The following DENND1B variants were observed in gnomAD, a reference collection of about 807,000 sequenced individuals.
DENND1B encodes the protein DENN domain containing 1B, also known as DENN domain-containing protein 1B.
Under a neutral mutation model 90.1 loss-of-function variants are expected in DENND1B, and 59 were observed. The ratio of observed to expected loss-of-function variants is 0.65; its 90% CI spans 0.53 to 0.81. DENND1B has a LOEUF of 0.81. DENND1B is among the 40% of genes least tolerant of loss of function. DENND1B has a pLI of 0.00. For synonymous variants in DENND1B, 337 were observed against 324.6 expected (o/e 1.04, Z -0.41); for missense variants, 862 against 912.6 (o/e 0.94, Z 0.71).
At chr1:197,676,904 G>A (rs571801272) in intron 3 of DENND1B, among the ~76,000 whole-genome samples, 3 of 151,996 alleles carry the variant, frequency 2.0e-5, no homozygotes, top group Non-Finnish European at 4.4e-5. Flanking sequence ...CCAATTGCTA[G>A]TGTTAGAGTG....
At chr1:197,670,555 T>C (rs1655403345) in intron 5 of DENND1B, among the ~76,000 whole-genome samples, 1 of 150,266 alleles carries the variant, frequency 6.7e-6, no homozygotes, top group South Asian at 2.1e-4. Context: ...AACTTATGAA[T>C]CTAGGTAATG....
At chr1:197,722,387 T>A (rs1339678790) in intron 2 of DENND1B, among the ~76,000 whole-genome samples, 1 of 152,116 alleles carries the variant, frequency 6.6e-6, no homozygotes, top group Non-Finnish European at 1.5e-5. Flanking sequence ...TTATATAACA[T>A]CCTTTCTAAA....
chr1:197,566,538 T>C (rs1019699886), intron 15 of DENND1B, among the ~76,000 whole-genome samples: 6 of 152,104 alleles, frequency 3.9e-5, no homozygotes, highest in Admixed American at 1.3e-4. Flanking sequence ...TTTCATTATA[T>C]TAATTTTCAT....
chr1:197,620,404 T>C (rs901311072), intron 10 of DENND1B, among the ~76,000 whole-genome samples: 2 of 151,280 alleles, frequency 1.3e-5, no homozygotes, highest in Non-Finnish European at 3.0e-5. Context: ...AATATAACCA[T>C]GTCTCAGTTT....
At chr1:197,535,504 G>A (rs1669810967) in intron 20 of DENND1B, among the ~76,000 whole-genome samples, 1 of 152,152 alleles carries the variant, frequency 6.6e-6, no homozygotes, top group Non-Finnish European at 1.5e-5. Context: ...AACAATTATA[G>A]TAATACTCAG....
chr1:197,565,044 T>A (rs1014437407), intron 15 of DENND1B, among the ~76,000 whole-genome samples: 3 of 152,060 alleles, frequency 2.0e-5, no homozygotes, highest in Non-Finnish European at 4.4e-5. Flanking sequence ...TTGATGCAAT[T>A]ACCATCTCCT....
chr1:197,614,772 C>T (rs376603136), intron 11 of DENND1B, among the ~76,000 whole-genome samples: 8 of 150,870 alleles, frequency 5.3e-5, no homozygotes, highest in African/African-American at 1.9e-4. Context: ...TACCTATTCT[C>T]TCAGAAGCTA....
intron 15 of DENND1B, among the ~76,000 whole-genome samples, chr1:197,582,405 T>A (rs1241165130): frequency 6.6e-6 from 1 of 152,176 alleles, no homozygotes; most frequent in African/African-American, 2.4e-5. Flanking sequence ...GCACAGTTTA[T>A]GACACACAGT....
intron 5 of DENND1B, 46 bp downstream of exon 5, chr1:197,671,991 A>G (rs1387903053): frequency 1.3e-6 from 2 of 1,587,404 alleles, no homozygotes; most frequent in Admixed American, 1.8e-5. Context: ...CAATAGAGAG[A>G]TAGTTACCTA....
chr1:197,504,890 A>C lies in DENND1B; in HGVS notation c.*5570T>G, dbSNP rs1222783152. Reference sequence around the variant, plus strand: ...ATACACATCTTCCCAATAGTAGTCAAGTTTGGAGATGATTTATACTGTAGC... The same window carrying C: ...ATACACATCTTCCCAATAGTAGTCACGTTTGGAGATGATTTATACTGTAGC... On this transcript the variant is annotated 3_prime_UTR_variant, in exon 23 of 23. Coordinates refer to ENST00000620048, the MANE Select transcript of DENND1B (RefSeq NM_001195215.2). 2 of 151,840 alleles carry C rather than the reference A, an allele frequency of 1.3e-5. No individual in the cohort carries two copies. Among genetic ancestry groups the C allele is most frequent in the African/African-American group, 4.8e-5 (2 of 41,394 alleles). The allele number at this position is 151,840 out of a possible 1,614,324, so 9.4% of individuals were successfully genotyped here. A position where few individuals can be genotyped will look rare whatever the true frequency, so the allele number is the denominator to read the frequency against.
intron 10 of DENND1B, among the ~76,000 whole-genome samples, chr1:197,623,358 T>C (rs977642349): frequency 3.3e-5 from 5 of 151,296 alleles, no homozygotes; most frequent in African/African-American, 1.2e-4. Context: ...GTGGAAACCA[T>C]AAAGAAAAAA....
At chr1:197,517,249 G>T (rs1668463845) in intron 20 of DENND1B, among the ~76,000 whole-genome samples, 1 of 151,850 alleles carries the variant, frequency 6.6e-6, no homozygotes, top group Non-Finnish European at 1.5e-5. Flanking sequence ...TTACTTGGGG[G>T]AAGTACAGAA....
intron 2 of DENND1B, among the ~76,000 whole-genome samples, chr1:197,721,846 A>G (rs561649939): frequency 1.3e-5 from 2 of 152,156 alleles, no homozygotes; most frequent in Non-Finnish European, 2.9e-5. Flanking sequence ...TTCTAGTTCC[A>G]TATCCCAATG....
intron 2 of DENND1B, among the ~76,000 whole-genome samples, chr1:197,759,333 A>T (rs1003500541): frequency 5.9e-5 from 9 of 151,584 alleles, no homozygotes; most frequent in African/African-American, 2.2e-4. Context: ...TAATAAAAAG[A>T]AGCAAAATAC....
At chr1:197,529,345 T>C (rs1355873716) in intron 20 of DENND1B, among the ~76,000 whole-genome samples, 1 of 150,488 alleles carries the variant, frequency 6.6e-6, no homozygotes, top group Non-Finnish European at 1.5e-5. Flanking sequence ...TGTGTGTGTG[T>C]GTGTGCACGC....
intron 3 of DENND1B, among the ~76,000 whole-genome samples, chr1:197,703,042 C>A (rs1461993791): frequency 6.6e-6 from 1 of 151,924 alleles, no homozygotes; most frequent in East Asian, 1.9e-4. Context: ...GGCTGGAGTG[C>A]AGTAGCAGCA....
In DENND1B at chr1:197,758,364, G is replaced by C. The variant is rs16841925; in HGVS notation, c.82+14504C>G. On this transcript the variant is annotated intron_variant, in intron 2 of 22. Transcript: ENST00000620048. ...AGATTGATCACATACATCAAAATAGGAGGAAAGTTTTTTACTAACAATTTC... is the reference window on the plus strand; with the variant it reads ...AGATTGATCACATACATCAAAATAGCAGGAAAGTTTTTTACTAACAATTTC... Among the ~76,000 whole-genome samples, 806 of 152,232 alleles carry C rather than the reference G, an allele frequency of 5.3e-3. 3 individuals carry two copies. Among genetic ancestry groups the C allele is most frequent in the African/African-American group, 0.019 (776 of 41,532 alleles).
intron 14 of DENND1B, among the ~76,000 whole-genome samples, chr1:197,584,461 A>G (rs1484988435): frequency 6.6e-6 from 1 of 152,220 alleles, no homozygotes; most frequent in African/African-American, 2.4e-5. Flanking sequence ...AGTGGCTACC[A>G]TATTGAACAG....
chr1:197,733,043 A>T (rs1337455555), intron 2 of DENND1B, among the ~76,000 whole-genome samples: 1 of 152,200 alleles, frequency 6.6e-6, no homozygotes, highest in Non-Finnish European at 1.5e-5. Flanking sequence ...GACAAACATG[A>T]TCATATTAAA....
Sources: allele counts gnomAD v4.1 joint callset (sites outside exome capture counted in the v4.1 genomes callset), GRCh38; gene constraint gnomAD v4.1.1; transcripts MANE v1.5; gene names NCBI Gene and HGNC (gene_info 2026-07-23, HGNC 2026-07-21).